IPMK: variants seen among roughly 807,000 people sequenced by gnomAD.
IPMK encodes inositol 1,3,4,6-tetrakisphosphate 5-kinase.
A neutral mutation model predicts 45.8 loss-of-function variants in IPMK; 17 were observed. The ratio of observed to expected loss-of-function variants is 0.37; its 90% CI spans 0.25 to 0.56. The LOEUF (loss-of-function observed/expected upper bound fraction) is 0.56, where lower values mean the gene tolerates loss of function less well. Ranked by LOEUF, IPMK falls within the 20% of genes least tolerant of loss-of-function variation. The probability of loss-of-function intolerance (pLI) is 0.79; values close to 1 mark genes in which losing one functional copy is unlikely to be tolerated. For missense variants in IPMK, 399 were observed against 498.0 expected (o/e 0.80, Z 1.89); for synonymous variants, 180 against 184.3 (o/e 0.98, Z 0.19).
In IPMK at chr10:58,267,625, A is replaced by T. The variant is rs767526935; in HGVS notation, c.-14T>A. 6.4e-7 allele frequency: 1 copy of T among 1,571,360 alleles called. No homozygotes were observed. Among genetic ancestry groups the T allele is most frequent in the South Asian group, 1.1e-5 (1 of 87,930 alleles). On this transcript the variant is annotated 5_prime_UTR_variant, in exon 1 of 6. Transcript: ENST00000373935. ...CTCTGTTGCCATAACGGAGAGCAGA[A>T]GCGGTAACGGCAGCGAGAGTAGGAA...
chr10:58,256,562 T>A (rs568558970), intron 1 of IPMK, among the ~76,000 whole-genome samples: 1 of 152,330 alleles, frequency 6.6e-6, no homozygotes, highest in Admixed American at 6.5e-5. Flanking sequence ...TCTGCCCTTG[T>A]AATCTTTTAT....
chr10:58,248,307 T>C (rs1838832041), intron 1 of IPMK, among the ~76,000 whole-genome samples: 1 of 152,146 alleles, frequency 6.6e-6, no homozygotes, highest in Non-Finnish European at 1.5e-5. Flanking sequence ...ATGGCCAAGA[T>C]GGCAAACTGT....
intron 2 of IPMK, among the ~76,000 whole-genome samples, chr10:58,229,562 C>CAAAAAAA (rs574403627): frequency 0.14 from 10,216 of 71,616 alleles, 1,027 homozygotes; most frequent in African/African-American, 0.16. Flanking sequence ...GACCACGTCT[C>CAAAAAAA]AAAAAAAAAA....
chr10:58,249,122 G>A (rs557091738), intron 1 of IPMK, among the ~76,000 whole-genome samples: 1 of 152,180 alleles, frequency 6.6e-6, no homozygotes, highest in Admixed American at 6.5e-5. Context: ...TCCCAAAGTG[G>A]CTATACTAAT....
intron 5 of IPMK, among the ~76,000 whole-genome samples, chr10:58,198,146 C>G (rs563970358): frequency 6.0e-4 from 91 of 152,038 alleles, no homozygotes; most frequent in Non-Finnish European, 8.1e-4. Context: ...TACTAAATAC[C>G]AAACCATAAC....
intron 4 of IPMK, among the ~76,000 whole-genome samples, chr10:58,210,239 T>A (rs1838137684): frequency 6.6e-6 from 1 of 152,068 alleles, no homozygotes; most frequent in South Asian, 2.1e-4. Context: ...CTCACCCAGC[T>A]CCCACGCAGT....
chr10:58,255,947 C>T (rs1051270510), intron 1 of IPMK, among the ~76,000 whole-genome samples: 4 of 152,152 alleles, frequency 2.6e-5, no homozygotes, highest in African/African-American at 9.7e-5. Context: ...ATCACTTCCC[C>T]AATCAATATT....
In IPMK at chr10:58,245,415, C is replaced by T. The variant is rs374081015; in HGVS notation, c.191-7601G>A. ...GATCACGAGGTCAGGAGTTCAAAAC[C>T]ATCCTGGCCATCATAGTGGAACCCC... is the stretch of plus-strand genomic sequence containing the variant. On this transcript the variant is annotated intron_variant, in intron 1 of 5. Coordinates refer to ENST00000373935, the MANE Select transcript of IPMK (RefSeq NM_152230.5). Among the ~76,000 whole-genome samples the T allele has an allele frequency of 1.9e-3, 293 of 152,006 alleles. 1 individual carries two copies. Among genetic ancestry groups the T allele is most frequent in the Non-Finnish European group, 3.6e-3 (242 of 68,012 alleles).
rs577963430 is a variant in IPMK at position 58,238,829 on chromosome 10, G to T, written c.191-1015C>A. Among the ~76,000 whole-genome samples, 6 of 151,158 alleles carry T rather than the reference G, an allele frequency of 4.0e-5. No homozygotes were observed. The East Asian group carries it at 1.2e-3, about 29-fold the overall frequency. On this transcript the variant is annotated intron_variant, in intron 1 of 5. Transcript: ENST00000373935. ...GAAGCAGAAAGTCTCAAGAGATACA[G>T]AAATCAAGTTTGTTTTTTGTTTTTT...
chr10:58,235,892 GC>G (rs1449711247), intron 2 of IPMK, among the ~76,000 whole-genome samples: 1 of 150,918 alleles, frequency 6.6e-6, no homozygotes, highest in African/African-American at 2.4e-5. Flanking sequence ...GTTCTATCAA[GC>G]CTTTAAGGAA....
chr10:58,202,096 A>G (rs750186254), intron 4 of IPMK, among the ~76,000 whole-genome samples: 1 of 152,212 alleles, frequency 6.6e-6, no homozygotes, highest in Non-Finnish European at 1.5e-5. Context: ...TGCAAGGTGA[A>G]GCATTTAACC....
At chr10:58,216,995 C>T (rs1838253236) in intron 3 of IPMK, among the ~76,000 whole-genome samples, 1 of 151,960 alleles carries the variant, frequency 6.6e-6, no homozygotes, top group Admixed American at 6.6e-5. Context: ...GGATGACAGG[C>T]GTGTACCACT....
At chr10:58,266,353 A>G (rs1406746053) in intron 1 of IPMK, among the ~76,000 whole-genome samples, 1 of 152,212 alleles carries the variant, frequency 6.6e-6, no homozygotes, top group Non-Finnish European at 1.5e-5. Context: ...TCCATTTTCT[A>G]AAAGCCTTGA....
chr10:58,267,187 CT>C (rs1263239846), intron 1 of IPMK, among the ~76,000 whole-genome samples: 1 of 152,240 alleles, frequency 6.6e-6, no homozygotes, highest in Non-Finnish European at 1.5e-5. Context: ...CCAGACACGC[CT>C]CTCCCTGCCA....
intron 1 of IPMK, 79 bp downstream of exon 1, chr10:58,267,343 G>C: frequency 6.9e-7 from 1 of 1,455,958 alleles, no homozygotes; most frequent in Non-Finnish European, 9.6e-7. Flanking sequence ...GCAGGCCCGA[G>C]AGCGCTAGGC....
chr10:58,266,688 T>C (rs1402473891), intron 1 of IPMK, among the ~76,000 whole-genome samples: 2 of 152,210 alleles, frequency 1.3e-5, no homozygotes, highest in East Asian at 1.9e-4. Flanking sequence ...TAAACTGAGA[T>C]AGGCTTTAAA....
At chr10:58,197,144 C>CA (rs1336014110) in intron 5 of IPMK, among the ~76,000 whole-genome samples, 1 of 150,546 alleles carries the variant, frequency 6.6e-6, no homozygotes, top group East Asian at 2.0e-4. Context: ...ACTAAAAATA[C>CA]AAAAAATTAG....
chr10:58,200,208 TC>T (rs1837977246), intron 4 of IPMK, among the ~76,000 whole-genome samples: 1 of 152,126 alleles, frequency 6.6e-6, no homozygotes, highest in African/African-American at 2.4e-5. Flanking sequence ...AACCCCTGCC[TC>T]CGGGATTCAA....
At position 58,245,045 on chromosome 10, in the gene IPMK, T is replaced by TAA. The variant is rs148706659; in HGVS notation, c.191-7233_191-7232dup. 3.6e-3 allele frequency among the ~76,000 whole-genome samples: 434 copies of TAA among 121,606 alleles called. 1 individual carries two copies. The highest frequency in any genetic ancestry group is 0.012 in the Middle Eastern group (3 of 248). 79.8% of individuals were successfully genotyped at this position (121,606 alleles called of 152,430 possible). On this transcript the variant is annotated intron_variant, in intron 1 of 5. Transcript: ENST00000373935. ...ACACCCAAGAATGATCAATAAATAC[T>TAA]AAAAAAAAAAAAATAATAAAATAAA...
Sources: gnomAD v4.1 joint callset for allele counts (sites outside exome capture counted in the v4.1 genomes callset) on GRCh38, gnomAD v4.1.1 for gene constraint, MANE v1.5 for transcripts, NCBI Gene and HGNC (gene_info 2026-07-23, HGNC 2026-07-21) for gene names.